Variants in SDK1 observed in about 807,000 individuals in gnomAD.
SDK1 encodes the protein sidekick cell adhesion molecule 1.
In SDK1, 157 loss-of-function variants were observed where a neutral mutation model predicts 245.5. That is an observed-to-expected ratio of 0.64 (90% CI 0.56 to 0.73). The LOEUF is 0.73. SDK1 is among the 30% of genes least tolerant of loss of function. The pLI is 0.00. For missense variants in SDK1, 3,583 were observed against 3,002.3 expected (o/e 1.19, Z -4.52); for synonymous variants, 1,647 against 1,278.5 (o/e 1.29, Z -6.15).
At chr7:3,996,763 T>C (rs1784721091) in intron 14 of SDK1, among the ~76,000 whole-genome samples, 1 of 152,254 alleles carries the variant, frequency 6.6e-6, no homozygotes, top group South Asian at 2.1e-4. Flanking sequence ...GCTTTCAAGG[T>C]AGACGATCAT....
intron 38 of SDK1, among the ~76,000 whole-genome samples, chr7:4,211,135 C>T (rs1784489555): frequency 1.3e-5 from 2 of 152,128 alleles, no homozygotes; most frequent in Admixed American, 6.5e-5. Flanking sequence ...CAGGATCCCT[C>T]GGGCCCAATC....
chr7:3,978,780 A>C (rs758834006), intron 13 of SDK1, among the ~76,000 whole-genome samples: 6 of 152,230 alleles, frequency 3.9e-5, no homozygotes, highest in Non-Finnish European at 8.8e-5. Flanking sequence ...CATATTGCCA[A>C]AGGGAAGGGA....
chr7:4,022,940 AT>A (rs1285967536), intron 17 of SDK1, among the ~76,000 whole-genome samples: 4 of 151,138 alleles, frequency 2.6e-5, no homozygotes, highest in Admixed American at 6.6e-5. Context: ...TGCCCCGCTA[AT>A]TTTTTTTGTA....
At chr7:3,590,593 T>C (rs929473917) in intron 1 of SDK1, among the ~76,000 whole-genome samples, 3 of 152,168 alleles carry the variant, frequency 2.0e-5, no homozygotes, top group African/African-American at 7.2e-5. Context: ...ATGAAAAGTC[T>C]AAAGATATTT....
At chr7:3,494,750 T>G (rs1352945900) in intron 1 of SDK1, among the ~76,000 whole-genome samples, 2 of 152,208 alleles carry the variant, frequency 1.3e-5, no homozygotes, top group Non-Finnish European at 2.9e-5. Flanking sequence ...GAGCAAATGT[T>G]TGTTAAGTTT....
At chr7:3,799,573 C>T (rs1465143104) in intron 4 of SDK1, among the ~76,000 whole-genome samples, 5 of 151,638 alleles carry the variant, frequency 3.3e-5, no homozygotes, top group Middle Eastern at 3.2e-3. Flanking sequence ...GGCGTGGTGG[C>T]GGGCACCTGT....
chr7:3,517,978 C>G (rs547801148), intron 1 of SDK1, among the ~76,000 whole-genome samples: 1 of 152,226 alleles, frequency 6.6e-6, no homozygotes, highest in East Asian at 1.9e-4. Context: ...TGACTTCTCT[C>G]TCTTTAGTGG....
chr7:3,453,623 G>A (rs571312852), intron 1 of SDK1, among the ~76,000 whole-genome samples: 3 of 152,298 alleles, frequency 2.0e-5, no homozygotes, highest in African/African-American at 7.2e-5. Context: ...AAGAGGCAAG[G>A]AGCAGATTTC....
At chr7:4,152,553 A>T (rs765555279) in intron 30 of SDK1, among the ~76,000 whole-genome samples, 6 of 152,238 alleles carry the variant, frequency 3.9e-5, no homozygotes, top group Non-Finnish European at 5.9e-5. Context: ...CCGGGACTTC[A>T]TGCTGGCAAG....
At chr7:3,340,283 G>C (rs910093835) in intron 1 of SDK1, among the ~76,000 whole-genome samples, 4 of 152,036 alleles carry the variant, frequency 2.6e-5, no homozygotes, top group African/African-American at 9.7e-5. Flanking sequence ...TGGTTTCCCA[G>C]TGTATATATA....
At chr7:4,125,210 G>A (rs1271585189) in intron 25 of SDK1, among the ~76,000 whole-genome samples, 1 of 150,974 alleles carries the variant, frequency 6.6e-6, no homozygotes, top group Non-Finnish European at 1.5e-5. Flanking sequence ...TGGATGGATG[G>A]ATGGGTAGAT....
At chr7:3,549,904 A>C (rs1186549925) in intron 1 of SDK1, among the ~76,000 whole-genome samples, 1 of 152,174 alleles carries the variant, frequency 6.6e-6, no homozygotes, top group Non-Finnish European at 1.5e-5. Context: ...AAAGGAAAAA[A>C]AAACCCATTT....
At chr7:3,701,924 C>CAAAAAAAAAAA (rs58687135) in intron 4 of SDK1, among the ~76,000 whole-genome samples, 3 of 85,666 alleles carry the variant, frequency 3.5e-5, no homozygotes, top group Non-Finnish European at 5.0e-5. Flanking sequence ...CGTGCATAAG[C>CAAAAAAAAAAA]AAAAAAAAAA....
chr7:4,224,129 C>T (rs1026216706), intron 40 of SDK1, among the ~76,000 whole-genome samples: 2 of 152,226 alleles, frequency 1.3e-5, no homozygotes, highest in African/African-American at 4.8e-5. Context: ...CAGGAACCTG[C>T]AGGTGCCTCC....
intron 5 of SDK1, among the ~76,000 whole-genome samples, chr7:3,828,463 C>T (rs941500371): frequency 6.6e-6 from 1 of 151,740 alleles, no homozygotes; most frequent in Non-Finnish European, 1.5e-5. Context: ...TTCCTCATGT[C>T]ATTGAGAGAT....
At chr7:4,105,347 G>A (rs965514231) in intron 22 of SDK1, among the ~76,000 whole-genome samples, 25 of 148,590 alleles carry the variant, frequency 1.7e-4, no homozygotes, top group Non-Finnish European at 3.4e-4. Context: ...TCACTCTGTC[G>A]CCAGGCTGGA....
intron 22 of SDK1, among the ~76,000 whole-genome samples, chr7:4,107,311 C>T (rs988103770): frequency 8.5e-5 from 13 of 152,190 alleles, no homozygotes; most frequent in African/African-American, 3.1e-4. Flanking sequence ...AGGCAAGGAC[C>T]CGGAAGGCAG....
At chr7:3,900,319 C>A (rs1224845195) in intron 5 of SDK1, among the ~76,000 whole-genome samples, 1 of 152,268 alleles carries the variant, frequency 6.6e-6, no homozygotes, top group Non-Finnish European at 1.5e-5. Context: ...AATTTACCAA[C>A]ATGTTCTGCC....
rs1787344171 is a variant in SDK1 at position 4,026,333 on chromosome 7, G to A, written c.2602+8981G>A. On this transcript the variant is annotated intron_variant, in intron 17 of 44. Coordinates refer to ENST00000404826, the MANE Select transcript of SDK1 (RefSeq NM_152744.4). The surrounding 1 kb of genome is among the most constrained non-coding windows in gnomAD (Gnocchi z 4.1). ...AGAGCTTCCACCCTCGGTGGCCTTG[G>A]GCCCATGTTTTAGAAGCTCAGCGTT... Among the ~76,000 whole-genome samples, 1 of 152,236 alleles carries A rather than the reference G, an allele frequency of 6.6e-6. No individual in the cohort carries two copies. The highest frequency in any genetic ancestry group is 1.5e-5 in the Non-Finnish European group (1 of 68,040).
Sources: gnomAD v4.1 joint callset for allele counts (sites outside exome capture counted in the v4.1 genomes callset) on GRCh38, gnomAD v4.1.1 for gene constraint, Gnocchi (gnomAD v3.1) non-coding constraint, MANE v1.5 for transcripts, NCBI Gene and HGNC (gene_info 2026-07-23, HGNC 2026-07-21) for gene names.